The following MAPKAPK3 variants were observed in gnomAD, a reference collection of about 807,000 sequenced individuals.
The protein encoded by MAPKAPK3 is MAP kinase-activated protein kinase 3.
A neutral mutation model predicts 49.2 loss-of-function variants in MAPKAPK3; 35 were observed. That is an observed-to-expected ratio of 0.71 (90% CI 0.54 to 0.94). MAPKAPK3 has a LOEUF of 0.94. MAPKAPK3 is among the 40% of genes least tolerant of loss of function. The pLI is 0.00. For synonymous variants in MAPKAPK3, 178 were observed against 188.7 expected (o/e 0.94, Z 0.46); for missense variants, 398 against 493.1 (o/e 0.81, Z 1.83).
At chr3:50,640,225 C>G in intron 2 of MAPKAPK3, 141 bp from the exon 3 acceptor site, 2 of 837,020 alleles carry the variant, frequency 2.4e-6, no homozygotes, top group Non-Finnish European at 3.7e-6. Flanking sequence ...TCAGAGAAAC[C>G]TAGATTCAAA....
chr3:50,634,579 C>T (rs1256838257), intron 2 of MAPKAPK3, among the ~76,000 whole-genome samples: 1 of 151,918 alleles, frequency 6.6e-6, no homozygotes, highest in Non-Finnish European at 1.5e-5. Flanking sequence ...ACCTCCACTT[C>T]CCGGGTTCAA....
At chr3:50,640,656 G>C in intron 3 of MAPKAPK3, 151 bp downstream of exon 3, 3 of 969,314 alleles carry the variant, frequency 3.1e-6, no homozygotes. Flanking sequence ...GCAGCCGCAG[G>C]CCCTGCCTGT....
At chr3:50,632,151 A>G (rs2032930281) in intron 2 of MAPKAPK3, among the ~76,000 whole-genome samples, 1 of 152,238 alleles carries the variant, frequency 6.6e-6, no homozygotes, top group Non-Finnish European at 1.5e-5. Context: ...TCTTTTGCAG[A>G]ATTGCTGTTG....
At chr3:50,627,716 C>T (rs891938880) in intron 2 of MAPKAPK3, among the ~76,000 whole-genome samples, 7 of 152,188 alleles carry the variant, frequency 4.6e-5, no homozygotes, top group Non-Finnish European at 1.0e-4. Context: ...CCCCCTCTTC[C>T]TCATAGCTAT....
At chr3:50,640,811 G>A (rs1036850166) in intron 3 of MAPKAPK3, among the ~76,000 whole-genome samples, 7 of 152,234 alleles carry the variant, frequency 4.6e-5, no homozygotes, top group African/African-American at 1.7e-4. Flanking sequence ...CCTGAATATG[G>A]ATGGATGGGG....
chr3:50,628,560 C>T (rs576367412), intron 2 of MAPKAPK3, among the ~76,000 whole-genome samples: 1 of 152,330 alleles, frequency 6.6e-6, no homozygotes, highest in Admixed American at 6.5e-5. Flanking sequence ...CCCTTTTCCT[C>T]TTTGAAGTTA....
At chr3:50,631,992 C>G (rs1055136623) in intron 2 of MAPKAPK3, among the ~76,000 whole-genome samples, 1 of 152,172 alleles carries the variant, frequency 6.6e-6, no homozygotes, top group African/African-American at 2.4e-5. Flanking sequence ...TCCTCTGGCA[C>G]AAAACAAAGC....
upstream of MAPKAPK3, chr3:50,611,657 G>T: frequency 6.7e-7 from 1 of 1,487,530 alleles, no homozygotes; most frequent in Non-Finnish European, 8.9e-7. Context: ...CCATGTCCCC[G>T]CGGCAGCGGC....
rs1168636321 is a variant in MAPKAPK3, at chr3:50,648,596, C to G, written c.*550C>G. The G allele has an allele frequency of 6.5e-6, 1 of 154,422 alleles. No homozygotes were observed. The highest frequency in any genetic ancestry group is 1.4e-5 in the Non-Finnish European group (1 of 69,568). The allele number at this position is 154,422 out of a possible 1,614,324, so 9.6% of individuals were successfully genotyped here. A position where few individuals can be genotyped will look rare whatever the true frequency, so the allele number is the denominator to read the frequency against. ...TCACACACTGGCTGGCCCTCTCATT[C>G]TCACTCCTCCTTGGGCCCTGAGGCT... On this transcript the variant is annotated 3_prime_UTR_variant, in exon 11 of 11. Coordinates refer to ENST00000621469, the MANE Select transcript of MAPKAPK3 (RefSeq NM_001243925.2).
chr3:50,640,988 C>G (rs1206066489), intron 3 of MAPKAPK3, among the ~76,000 whole-genome samples: 1 of 152,194 alleles, frequency 6.6e-6, no homozygotes, highest in Non-Finnish European at 1.5e-5. Context: ...GGCTCAGCAC[C>G]AGCCATCCTT....
intron 9 of MAPKAPK3, 134 bp downstream of exon 9, chr3:50,646,959 G>A (rs530843078): frequency 7.2e-5 from 74 of 1,033,744 alleles, no homozygotes; most frequent in Admixed American, 6.3e-4. Flanking sequence ...AGATACTAGG[G>A]CCTCACCTAC....
At chr3:50,641,604 C>T (rs533150325) in intron 3 of MAPKAPK3, 103 bp from the exon 4 acceptor site, 99 of 895,388 alleles carry the variant, frequency 1.1e-4, no homozygotes, top group Admixed American at 3.4e-4. Context: ...AGGGGAGGAG[C>T]GGAGCAGCAG....
rs1244242455 is a variant in MAPKAPK3, at chr3:50,646,798, T to G, written c.888T>G (p.Thr296=). The part of the protein sequence containing the change: ...KTDPTERLTI[T]QFMNHPWINQ... ...ACCCCACAGAGAGGCTGACCATCAC[T>G]CAGTTCATGAACCACCCCTGGATCA... Residue 296 remains threonine, a synonymous_variant, in exon 9 of 11, where the codon ACT becomes ACG. Coordinates refer to ENST00000621469, the MANE Select transcript of MAPKAPK3 (RefSeq NM_001243925.2). 6.2e-7 allele frequency: 1 copy of G among 1,613,738 alleles called. No individual in the cohort carries two copies. Among genetic ancestry groups the G allele is most frequent in the Non-Finnish European group, 8.5e-7 (1 of 1,180,004 alleles).
chr3:50,642,425 G>A, intron 5 of MAPKAPK3, 93 bp downstream of exon 5: 1 of 899,650 alleles, frequency 1.1e-6, no homozygotes, highest in Admixed American at 1.8e-5. Flanking sequence ...CTGGATGGAG[G>A]CCATGTTCCC....
chr3:50,617,095 A>AGGGGGGGG (rs2032482884), upstream of MAPKAPK3: 1 of 2,100 alleles, frequency 4.8e-4, no homozygotes, highest in African/African-American at 1.7e-3. Context: ...GGAGTGGGGG[A>AGGGGGGGG]GTGGGGGAGG....
At chr3:50,635,407 T>A (rs1268205511) in intron 2 of MAPKAPK3, among the ~76,000 whole-genome samples, 1 of 1,402 alleles carries the variant, frequency 7.1e-4, no homozygotes, top group African/African-American at 1.6e-3. Flanking sequence ...CAATTTAATC[T>A]TTTTTTTTTT....
intron 2 of MAPKAPK3, among the ~76,000 whole-genome samples, chr3:50,637,868 G>A (rs544188213): frequency 1.3e-5 from 2 of 152,156 alleles, no homozygotes; most frequent in Non-Finnish European, 2.9e-5. Flanking sequence ...AGGCCTGGGG[G>A]AGTAAGGCCT....
chr3:50,633,198 C>T (rs2032954859), intron 2 of MAPKAPK3, among the ~76,000 whole-genome samples: 1 of 152,204 alleles, frequency 6.6e-6, no homozygotes, highest in African/African-American at 2.4e-5. Context: ...GTTTCTTGGG[C>T]ACCTCTCCGT....
At chr3:50,621,389 C>G (rs373059959) in intron 2 of MAPKAPK3, among the ~76,000 whole-genome samples, 1 of 151,996 alleles carries the variant, frequency 6.6e-6, no homozygotes, top group African/African-American at 2.4e-5. Context: ...GTCTGGAGCT[C>G]GAGACCAACC....
Sources: gnomAD v4.1 joint callset for allele counts (sites outside exome capture counted in the v4.1 genomes callset) on GRCh38, gnomAD v4.1.1 for gene constraint, MANE v1.5 for transcripts, NCBI Gene and HGNC (gene_info 2026-07-23, HGNC 2026-07-21) for gene names.